ZNF444: variants seen among roughly 807,000 people sequenced by gnomAD.
ZNF444 encodes the protein zinc finger protein 444.
Under a neutral mutation model 14.4 loss-of-function variants are expected in ZNF444, and 8 were observed. The ratio of observed to expected loss-of-function variants is 0.56; its 90% CI spans 0.33 to 1.00. ZNF444 has a LOEUF of 1.00. Among genes scored for constraint, ZNF444 ranks in the 50% least tolerant of loss-of-function variants. ZNF444 has a pLI of 0.03. For missense variants in ZNF444, 510 were observed against 504.8 expected, an observed-to-expected ratio of 1.01 and a Z score of -0.10; for synonymous variants, 258 against 235.9, an observed-to-expected ratio of 1.09 and a Z score of -0.86.
chr19:56,158,422 C>T (rs1031110042), intron 3 of ZNF444, 72 bp from the exon 4 acceptor site: 34 of 1,383,464 alleles, frequency 2.5e-5, no homozygotes, highest in South Asian at 1.1e-4. Flanking sequence ...AGCTGGTCGA[C>T]GGTGGTTGGG....
intron 3 of ZNF444, chr19:56,157,642 A>G (rs1417131303): frequency 6.6e-6 from 1 of 152,188 alleles, no homozygotes; most frequent in East Asian, 1.9e-4. Flanking sequence ...TCACCTTGTG[A>G]TCTGCCCGCC....
In ZNF444 at chr19:56,147,251, G is replaced by T; in HGVS notation, c.297+43G>T. The T allele has an allele frequency of 7.2e-7, 1 of 1,394,646 alleles. No individual in the cohort carries two copies. The highest frequency in any genetic ancestry group is 9.3e-7 in the Non-Finnish European group (1 of 1,080,780). 86.4% of individuals were successfully genotyped at this position (1,394,646 alleles called of 1,614,324 possible). A position where few individuals can be genotyped will look rare whatever the true frequency, so the allele number is the denominator to read the frequency against. On this transcript the variant is annotated intron_variant, in intron 3 of 4. Transcript: ENST00000337080. The surrounding 1 kb of genome is among the most constrained non-coding windows in gnomAD (Gnocchi z 5.9). ...GCAAGCGGGGAAGGGAGAGGGGAAG[G>T]TGCCAGGGAAGCCACCAGGAAGCCC...
Position 56,147,308 on chromosome 19 carries a change from A to G in ZNF444, c.297+100A>G, listed in dbSNP as rs912549769. On this transcript the variant is annotated intron_variant, in intron 3 of 4. Coordinates refer to ENST00000337080, the MANE Select transcript of ZNF444 (RefSeq NM_018337.4). This position sits in a 1 kb window ranked among gnomAD's most constrained non-coding sequence, Gnocchi z 5.9. ...GAGCACCACTGAACCCCTGAAAACC[A>G]GTGTGACTCGCGGTGGGGAGGCTGC... 1 of 1,312,834 alleles carries G rather than the reference A, an allele frequency of 7.6e-7. No individual in the cohort carries two copies. Among genetic ancestry groups the G allele is most frequent in the African/African-American group, 1.6e-5 (1 of 64,022 alleles). 81.3% of individuals were successfully genotyped at this position (1,312,834 alleles called of 1,614,324 possible).
chr19:56,145,392 T>A lies in ZNF444; in HGVS notation c.-196-855T>A, dbSNP rs373835914. On this transcript the variant is annotated intron_variant, in intron 1 of 4. Coordinates refer to ENST00000337080, the MANE Select transcript of ZNF444 (RefSeq NM_018337.4). This position sits in a 1 kb window ranked among gnomAD's most constrained non-coding sequence, Gnocchi z 4.3. The stretch of plus-strand genomic sequence containing the variant: ...CCTGAGGTCAGGAGTTTGAGACCAG[T>A]CTGGCCAACCTGGCGAAACCCCGTC... Among the ~76,000 whole-genome samples the A allele has an allele frequency of 1.3e-5, 2 of 152,070 alleles. No homozygotes were observed. Among genetic ancestry groups the A allele is most frequent in the South Asian group, 4.1e-4 (2 of 4,826 alleles).
chr19:56,150,694 G>A (rs547948618), intron 3 of ZNF444, among the ~76,000 whole-genome samples: 53 of 152,392 alleles, frequency 3.5e-4, no homozygotes, highest in Admixed American at 3.1e-3. Context: ...GAGCCTGGGC[G>A]ATAGCCATTG....
At chr19:56,153,675 G>A (rs888981186) in intron 3 of ZNF444, among the ~76,000 whole-genome samples, 1 of 152,208 alleles carries the variant, frequency 6.6e-6, no homozygotes, top group Non-Finnish European at 1.5e-5. Flanking sequence ...AAGACGGATG[G>A]GGGCAGGGCG....
At chr19:56,150,593 A>C (rs894840880) in intron 3 of ZNF444, 14 of 443,744 alleles carry the variant, frequency 3.2e-5, no homozygotes, top group Non-Finnish European at 5.4e-5. Context: ...TCTCTGGCAC[A>C]TGATACTGGC....
At chr19:56,157,817 A>G (rs965629056) in intron 3 of ZNF444, 1 of 152,240 alleles carries the variant, frequency 6.6e-6, no homozygotes, top group Non-Finnish European at 1.5e-5. Flanking sequence ...CATAGGCACC[A>G]GAAGAATTCT....
At position 56,160,304 on chromosome 19, in the gene ZNF444, A is replaced by C; in HGVS notation, c.*103A>C. On this transcript the variant is annotated 3_prime_UTR_variant, in exon 5 of 5. Transcript: ENST00000337080. ...CCTCTTCCTCTCCTCCTTCCCTCCC[A>C]TCGTCCTCCTCCACCTGCGCCTCCC... is the stretch of plus-strand genomic sequence containing the variant. 3 of 928,502 alleles carry C rather than the reference A, an allele frequency of 3.2e-6. No individual in the cohort carries two copies. The highest frequency in any genetic ancestry group is 1.8e-5 in the African/African-American group (1 of 56,354). The allele number at this position is 928,502 out of a possible 1,614,324, so 57.5% of individuals were successfully genotyped here.
intron 3 of ZNF444, chr19:56,150,064 G>GT: frequency 6.1e-6 from 1 of 163,258 alleles, no homozygotes; most frequent in South Asian, 1.6e-4. Context: ...GGTGAAGTGG[G>GT]GGTGGAACAG....
At chr19:56,132,935 C>CTTTTTTTT (rs61365745) in intron 1 of ZNF444, among the ~76,000 whole-genome samples, 1,293 of 94,230 alleles carry the variant, frequency 0.014, 42 homozygotes, top group Non-Finnish European at 0.017. Flanking sequence ...TTCTTTCTTT[C>CTTTTTTTT]TTTTTTTTTT....
In ZNF444 at chr19:56,147,747, G is replaced by T. The variant is rs1455490695; in HGVS notation, c.297+539G>T. On this transcript the variant is annotated intron_variant, in intron 3 of 4. Coordinates refer to ENST00000337080, the MANE Select transcript of ZNF444 (RefSeq NM_018337.4). The surrounding 1 kb of genome is among the most constrained non-coding windows in gnomAD (Gnocchi z 5.9). ...TCATCTTGCTTTTGGGCTGGCCTGA[G>T]TCCCCCGGGGCAGGCAGACCCTCCT... Among the ~76,000 whole-genome samples the T allele has an allele frequency of 6.6e-6, 1 of 152,112 alleles. No homozygotes were observed. The highest frequency in any genetic ancestry group is 6.5e-5 in the Admixed American group (1 of 15,272).
Position 56,160,327 on chromosome 19 carries a change from C to G in ZNF444, c.*126C>G. ...CCATCGTCCTCCTCCACCTGCGCCT[C>G]CCTTGTCTGAACTTCCCAACGCCTT... On this transcript the variant is annotated 3_prime_UTR_variant, in exon 5 of 5. Transcript: ENST00000337080. 1 of 753,442 alleles carries G rather than the reference C, an allele frequency of 1.3e-6. No homozygotes were observed. The allele number at this position is 753,442 out of a possible 1,614,324, so 46.7% of individuals were successfully genotyped here.
rs1056648663 is a variant in ZNF444 at position 56,146,884 on chromosome 19, C to G, written c.-22-6C>G. ...GGCAGGGGTCTCACCGGCTTGTTCC[C>G]TGCAGGCGCTGCGGTCCGGGAGGCC... is the stretch of plus-strand genomic sequence containing the variant. On this transcript the variant is annotated splice_polypyrimidine_tract_variant and splice_region_variant and intron_variant, in intron 2 of 4. Coordinates refer to ENST00000337080, the MANE Select transcript of ZNF444 (RefSeq NM_018337.4). 2.9e-6 allele frequency: 4 copies of G among 1,383,150 alleles called. No individual in the cohort carries two copies. The highest frequency in any genetic ancestry group is 3.7e-6 in the Non-Finnish European group (4 of 1,076,806). 85.7% of individuals were successfully genotyped at this position (1,383,150 alleles called of 1,614,324 possible). A position where few individuals can be genotyped will look rare whatever the true frequency, so the allele number is the denominator to read the frequency against.
intron 1 of ZNF444, among the ~76,000 whole-genome samples, chr19:56,135,433 A>G (rs1357830404): frequency 6.6e-6 from 1 of 152,088 alleles, no homozygotes; most frequent in Non-Finnish European, 1.5e-5. Flanking sequence ...GCCTGGAGGT[A>G]GGGCAGGTCC....
chr19:56,134,032 C>T (rs1003489969), intron 1 of ZNF444, among the ~76,000 whole-genome samples: 2 of 151,988 alleles, frequency 1.3e-5, no homozygotes, highest in African/African-American at 4.8e-5. Context: ...CACAGACTGA[C>T]ATCCATACGC....
At chr19:56,140,047 C>T (rs1461240965), upstream of ZNF444, among the ~76,000 whole-genome samples, 2 of 152,160 alleles carry the variant, frequency 1.3e-5, no homozygotes, top group African/African-American at 4.8e-5. Flanking sequence ...ATTAGGCCAC[C>T]GTGGGCAAAC....
At chr19:56,139,841 G>T (rs575709688), upstream of ZNF444, among the ~76,000 whole-genome samples, 1 of 152,182 alleles carries the variant, frequency 6.6e-6, no homozygotes, top group South Asian at 2.1e-4. Flanking sequence ...TTCGCAAGGT[G>T]GGGGAGAGAG....
chr19:56,147,223 A>G lies in ZNF444; in HGVS notation c.297+15A>G. 2 of 1,414,280 alleles carry G rather than the reference A, an allele frequency of 1.4e-6. No homozygotes were observed. Among genetic ancestry groups the G allele is most frequent in the Non-Finnish European group, 1.8e-6 (2 of 1,089,540 alleles). 87.6% of individuals were successfully genotyped at this position (1,414,280 alleles called of 1,614,324 possible). ...AGGAGCTCTGGGTGAGCCTGGCGGG[A>G]CTGCAAGCGGGGAAGGGAGAGGGGA... On this transcript the variant is annotated intron_variant, in intron 3 of 4. Coordinates refer to ENST00000337080, the MANE Select transcript of ZNF444 (RefSeq NM_018337.4). The surrounding 1 kb of genome is among the most constrained non-coding windows in gnomAD (Gnocchi z 5.9).
Sources: gnomAD v4.1 joint callset for allele counts (sites outside exome capture counted in the v4.1 genomes callset) on GRCh38, gnomAD v4.1.1 for gene constraint, Gnocchi (gnomAD v3.1) non-coding constraint, MANE v1.5 for transcripts, NCBI Gene and HGNC (gene_info 2026-07-23, HGNC 2026-07-21) for gene names.